The following PSD3 variants were observed in gnomAD, a reference collection of about 807,000 sequenced individuals.
PSD3 encodes pleckstrin and Sec7 domain containing 3.
PSD3 carries 49 observed loss-of-function variants against 105.5 expected under a neutral mutation model. The ratio of observed to expected loss-of-function variants is 0.46; its 90% CI spans 0.37 to 0.59. The LOEUF is 0.59. Ranked by LOEUF, PSD3 falls within the 20% of genes least tolerant of loss-of-function variation. PSD3 has a pLI of 0.00. For missense variants in PSD3, 1,561 were observed against 1,263.8 expected (o/e 1.24, Z -3.57); for synonymous variants, 557 against 457.8 (o/e 1.22, Z -2.77).
chr8:18,579,236 T>C (rs1802656897), intron 12 of PSD3, among the ~76,000 whole-genome samples: 1 of 151,958 alleles, frequency 6.6e-6, no homozygotes, highest in Admixed American at 6.6e-5. Flanking sequence ...TATTTTTCAC[T>C]AAAGGAGAGG....
chr8:19,056,231 A>C (rs529154326), intron 1 of PSD3, among the ~76,000 whole-genome samples: 4 of 152,378 alleles, frequency 2.6e-5, no homozygotes, highest in Admixed American at 2.6e-4. Flanking sequence ...AATAGTCCAC[A>C]AAAGAAACCT....
chr8:18,963,727 T>C (rs531073948), intron 1 of PSD3, among the ~76,000 whole-genome samples: 1 of 152,342 alleles, frequency 6.6e-6, no homozygotes, highest in South Asian at 2.1e-4. Flanking sequence ...TTATTAACAG[T>C]ACTCCAAATT....
rs901589491 is a variant in PSD3 at position 18,663,419 on chromosome 8, T to C, written c.2173-7734A>G. Among the ~76,000 whole-genome samples the C allele has an allele frequency of 2.0e-5, 3 of 151,416 alleles. No homozygotes were observed. The East Asian group carries it at 5.8e-4, about 29-fold the overall frequency. ...CCAGCCTGGGCGACAGAATGAGACT[T>C]TGTCTCAAAAAACCAAAAAGCAAAA... is the stretch of plus-strand genomic sequence containing the variant. On this transcript the variant is annotated intron_variant, in intron 9 of 15. Coordinates refer to ENST00000327040, the MANE Select transcript of PSD3 (RefSeq NM_015310.4).
intron 10 of PSD3, among the ~76,000 whole-genome samples, chr8:18,648,129 A>G (rs1034564933): frequency 2.3e-5 from 3 of 129,422 alleles, no homozygotes; most frequent in Non-Finnish European, 3.4e-5. Context: ...GGGAATTGCT[A>G]TAAAAAATAC....
chr8:18,914,129 G>C (rs979164662), intron 2 of PSD3, among the ~76,000 whole-genome samples: 3 of 151,680 alleles, frequency 2.0e-5, no homozygotes, highest in African/African-American at 7.3e-5. Flanking sequence ...TTCCAGATGG[G>C]GGATTATAAG....
At chr8:18,598,560 C>A (rs886340527) in intron 12 of PSD3, among the ~76,000 whole-genome samples, 1 of 152,158 alleles carries the variant, frequency 6.6e-6, no homozygotes, top group Admixed American at 6.6e-5. Flanking sequence ...ACACAAACAT[C>A]TCAATGATGC....
rs568980408 is a variant in PSD3 at position 19,030,041 on chromosome 8, C to T, written c.324+54165G>A. The stretch of plus-strand genomic sequence containing the variant: ...AATAGTAGTGATAAGAACAGACATC[C>T]TTGCTTAGTTTCTGATCTTAGGGGA... On this transcript the variant is annotated intron_variant, in intron 1 of 1. Transcript: ENST00000521475. Among the ~76,000 whole-genome samples the T allele has an allele frequency of 4.1e-4, 62 of 152,240 alleles. No individual in the cohort carries two copies. The South Asian group carries it at 0.012, about 30-fold the overall frequency.
At chr8:18,655,786 G>A (rs1292256189) in intron 9 of PSD3, 101 bp from the exon 10 acceptor site, 111 of 1,123,894 alleles carry the variant, frequency 9.9e-5, no homozygotes, top group Middle Eastern at 3.9e-4. Flanking sequence ...GGATAGGCAC[G>A]AAGCCCCCCT....
intron 1 of PSD3, among the ~76,000 whole-genome samples, chr8:19,034,880 T>G (rs1827891042): frequency 6.6e-6 from 1 of 152,146 alleles, no homozygotes; most frequent in Non-Finnish European, 1.5e-5. Context: ...CTCTTCTCCC[T>G]GCCCTCCCTC....
intron 6 of PSD3, among the ~76,000 whole-genome samples, chr8:18,801,616 G>A (rs1428720730): frequency 6.6e-6 from 1 of 152,110 alleles, no homozygotes; most frequent in African/African-American, 2.4e-5. Flanking sequence ...GTTCACTTGA[G>A]GTCAGGGGTT....
chr8:18,863,794 A>G (rs4921968), intron 4 of PSD3, among the ~76,000 whole-genome samples: 95,533 of 151,948 alleles, frequency 0.63, 30,548 homozygotes, highest in East Asian at 0.98. Context: ...GCATACTAGA[A>G]TATTATAGAT....
At chr8:18,774,298 G>C (rs1433455005) in intron 8 of PSD3, among the ~76,000 whole-genome samples, 1 of 152,148 alleles carries the variant, frequency 6.6e-6, no homozygotes, top group Non-Finnish European at 1.5e-5. Context: ...CTTGATATAT[G>C]TATATATCGT....
At chr8:19,021,468 G>T (rs1274710924) in intron 1 of PSD3, among the ~76,000 whole-genome samples, 2 of 150,346 alleles carry the variant, frequency 1.3e-5, no homozygotes, top group African/African-American at 4.9e-5. Context: ...AAATAATGAC[G>T]TCTGGAATTA....
chr8:18,892,567 T>C (rs1818873052), intron 2 of PSD3, among the ~76,000 whole-genome samples: 2 of 151,740 alleles, frequency 1.3e-5, no homozygotes, highest in Non-Finnish European at 2.9e-5. Flanking sequence ...AGTAATACAA[T>C]TTAGTCATTG....
rs185027693 is a variant in PSD3 at position 18,554,992 on chromosome 8, C to T, written c.2928+1217G>A. 1.2e-3 allele frequency among the ~76,000 whole-genome samples: 179 copies of T among 152,090 alleles called. 1 individual carries two copies. The highest frequency in any genetic ancestry group is 2.3e-3 in the Non-Finnish European group (156 of 67,996). ...CGTAGGGAGGCCAGTGTGGGAAAGA[C>T]GGACGTTGTGGAAACGTGGAGACGC... On this transcript the variant is annotated intron_variant, in intron 15 of 15. Transcript: ENST00000327040.
intron 9 of PSD3, among the ~76,000 whole-genome samples, chr8:18,666,440 A>G (rs1166605085): frequency 6.6e-6 from 1 of 152,218 alleles, no homozygotes; most frequent in Non-Finnish European, 1.5e-5. Context: ...TGTGGTCTAG[A>G]ACTGAACCTG....
At chr8:19,082,676 T>A (rs1274070265) in intron 1 of PSD3, among the ~76,000 whole-genome samples, 66 of 152,144 alleles carry the variant, frequency 4.3e-4, no homozygotes, top group Admixed American at 4.3e-3. Context: ...GGCTTCAGCT[T>A]ATCCCCCGAA....
At chr8:18,808,500 C>T (rs1368274758) in intron 4 of PSD3, among the ~76,000 whole-genome samples, 12 of 152,148 alleles carry the variant, frequency 7.9e-5, no homozygotes, top group Admixed American at 7.9e-4. Flanking sequence ...ACTATGCTGC[C>T]CAGTCCAGAT....
intron 1 of PSD3, among the ~76,000 whole-genome samples, chr8:18,968,844 G>A (rs1180369705): frequency 1.6e-5 from 2 of 128,462 alleles, no homozygotes; most frequent in Non-Finnish European, 3.1e-5. Context: ...CCACTGCACT[G>A]CAGCCTGCGT....
Sources: gnomAD v4.1 joint callset for allele counts (sites outside exome capture counted in the v4.1 genomes callset) on GRCh38, gnomAD v4.1.1 for gene constraint, MANE v1.5 for transcripts, NCBI Gene and HGNC (gene_info 2026-07-23, HGNC 2026-07-21) for gene names.